Variants in PFKP observed in about 807,000 individuals in gnomAD.
PFKP encodes the protein ATP-dependent 6-phosphofructokinase, platelet type.
Under a neutral mutation model 94.3 loss-of-function variants are expected in PFKP, and 101 were observed. The ratio of observed to expected loss-of-function variants is 1.07; its 90% CI spans 0.91 to 1.26. The LOEUF is 1.26. Ranked by LOEUF, PFKP falls within the 50% of genes most tolerant of loss-of-function variation. The pLI, the probability that PFKP is intolerant of heterozygous loss-of-function variation, is 0.00. For synonymous variants in PFKP, 573 were observed against 432.6 expected (o/e 1.32, Z -4.03); for missense variants, 1,145 against 1,103.3 (o/e 1.04, Z -0.53).
chr10:3,119,769 T>TGG, intron 15 of PFKP, 123 bp from the exon 16 acceptor site: 1 of 575,796 alleles, frequency 1.7e-6, no homozygotes. Context: ...TCGGAGTGTT[T>TGG]TCGTGATGCC....
chr10:3,090,786 A>C (rs190248073), intron 2 of PFKP, among the ~76,000 whole-genome samples: 1 of 151,704 alleles, frequency 6.6e-6, no homozygotes, highest in East Asian at 1.9e-4. Context: ...CTTTTGGGGG[A>C]CCGCTGTTCT....
intron 2 of PFKP, among the ~76,000 whole-genome samples, chr10:3,087,984 C>CTTTTTTTTT (rs1224829610): frequency 6.5e-4 from 63 of 96,510 alleles, no homozygotes; most frequent in South Asian, 2.0e-3. Flanking sequence ...ATCTTTCATT[C>CTTTTTTTTT]TTTTTTTTTT....
intron 21 of PFKP, 70 bp downstream of exon 21, chr10:3,135,908 T>A: frequency 1.1e-6 from 1 of 914,008 alleles, no homozygotes; most frequent in Non-Finnish European, 1.8e-6. Flanking sequence ...TGGCCATTGC[T>A]GTTGCTGTCG....
Position 3,125,208 on chromosome 10 carries a change from A to G in PFKP, c.1684-4611A>G, listed in dbSNP as rs377340826. On this transcript the variant is annotated intron_variant, in intron 16 of 21. Coordinates refer to ENST00000381125, the MANE Select transcript of PFKP (RefSeq NM_002627.5). ...TAGCAACAATGTCCCAGGCACAGAA[A>G]TAAGCCTGGGCTCCGACACTGGCCT... is the stretch of plus-strand genomic sequence containing the variant. 8.6e-5 allele frequency: 116 copies of G among 1,347,702 alleles called. 1 individual carries two copies. The African/African-American group carries it at 1.0e-3, about 12-fold the overall frequency. 83.5% of individuals were successfully genotyped at this position (1,347,702 alleles called of 1,614,324 possible).
At chr10:3,132,232 C>T in intron 17 of PFKP, 148 bp from the exon 18 acceptor site, 2 of 608,402 alleles carry the variant, frequency 3.3e-6, no homozygotes, top group East Asian at 2.9e-5. Context: ...TGGGAGGAGG[C>T]TCCCCAAGAC....
chr10:3,076,216 G>A (rs1367925083), intron 1 of PFKP, among the ~76,000 whole-genome samples: 1 of 152,104 alleles, frequency 6.6e-6, no homozygotes, highest in Non-Finnish European at 1.5e-5. Context: ...CGTGGCCAGC[G>A]GCTCCTCTGA....
rs1333685669 is a variant in PFKP, at chr10:3,136,735, G to A, written c.*156G>A. 4 of 661,880 alleles carry A rather than the reference G, an allele frequency of 6.0e-6. No individual in the cohort carries two copies. The highest frequency in any genetic ancestry group is 1.8e-5 in the African/African-American group (1 of 55,394). The allele number at this position is 661,880 out of a possible 1,614,324, so 41.0% of individuals were successfully genotyped here. A position where few individuals can be genotyped will look rare whatever the true frequency, so the allele number is the denominator to read the frequency against. On this transcript the variant is annotated 3_prime_UTR_variant, in exon 22 of 22. Coordinates refer to ENST00000381125, the MANE Select transcript of PFKP (RefSeq NM_002627.5). The stretch of plus-strand genomic sequence containing the variant: ...ACCTGCTCCAGTGCGTGCTGTCTGT[G>A]GAGTGTGTCTCATGCTTTCAGATGT...
chr10:3,133,265 G>A lies in PFKP; in HGVS notation c.1973G>A (p.Gly658Asp). The A allele has an allele frequency of 6.2e-7, 1 of 1,614,120 alleles. No individual in the cohort carries two copies. Among genetic ancestry groups the A allele is most frequent in the Non-Finnish European group, 8.5e-7 (1 of 1,179,956 alleles). The change falls in exon 19 of 22, where the codon GGC (glycine) becomes GAC (aspartate). Residue 658 changes from glycine to aspartate, a missense_variant. Gly to Asp is a moderately conservative substitution (Grantham distance 94). This residue lies in a region of PFKP where 1,119 missense variants were observed against 1,062.8 expected (regional missense o/e 1.05). Coordinates refer to ENST00000381125, the MANE Select transcript of PFKP (RefSeq NM_002627.5). ...DFIYQLYSEE[G>D]KGVFDCRKNV... ...ATTTACCAGCTGTATTCAGAAGAGG[G>A]CAAAGGCGTGTTTGACTGCAGGAAG... is the stretch of plus-strand genomic sequence containing the variant.
In PFKP at chr10:3,129,849, G is replaced by A. The variant is rs751280085; in HGVS notation, c.1714G>A (p.Gly572Arg). Residue 572 changes from glycine to arginine, a missense_variant, in exon 17 of 22, where the codon GGA becomes AGA. By Grantham distance (125) the Gly-to-Arg change is moderately radical (BLOSUM62 -2). Coordinates refer to ENST00000381125, the MANE Select transcript of PFKP (RefSeq NM_002627.5). ...CGACCGCATCAAGCAGTCCGCCAGC[G>A]GAACCAAGCGGCGCGTGTTCATCAT... The part of the protein sequence containing the change: ...TCDRIKQSAS[G>R]TKRRVFIIET... 9.3e-6 allele frequency: 15 copies of A among 1,613,636 alleles called. No individual in the cohort carries two copies. Among genetic ancestry groups the A allele is most frequent in the East Asian group, 2.2e-5 (1 of 44,864 alleles).
Position 3,136,453 on chromosome 10 carries a change from C to T in PFKP, c.2229C>T (p.His743=). ...AELKKQTDFE[H]RIPKEQWWLK... ...CTGTCTCCTCTTACCTCCACAGGCA[C>T]AGGATTCCCAAAGAACAGTGGTGGC... The change falls in exon 22 of 22, where the codon CAC becomes CAT. Residue 743 remains histidine (H), a synonymous_variant. Coordinates refer to ENST00000381125, the MANE Select transcript of PFKP (RefSeq NM_002627.5). 2 of 1,613,564 alleles carry T rather than the reference C, an allele frequency of 1.2e-6. No homozygotes were observed. The highest frequency in any genetic ancestry group is 1.7e-6 in the Non-Finnish European group (2 of 1,179,646).
intron 16 of PFKP, among the ~76,000 whole-genome samples, chr10:3,124,828 G>T (rs531321620): frequency 7.1e-6 from 1 of 141,748 alleles, no homozygotes; most frequent in African/African-American, 2.8e-5. Flanking sequence ...AACCTGCTCC[G>T]TTGCCTGCCT....
At chr10:3,133,170 C>A in intron 18 of PFKP, 33 bp from the exon 19 acceptor site, 1 of 1,555,002 alleles carries the variant, frequency 6.4e-7, no homozygotes, top group Non-Finnish European at 8.9e-7. Context: ...CCACTGCACG[C>A]TAAACAAAGT....
chr10:3,124,367 C>T (rs1353812024), intron 16 of PFKP, among the ~76,000 whole-genome samples: 2 of 152,212 alleles, frequency 1.3e-5, no homozygotes, highest in Non-Finnish European at 2.9e-5. Context: ...TTGGTTAACA[C>T]CCTGAGGTGG....
At position 3,136,584 on chromosome 10, in the gene PFKP, G is replaced by T; in HGVS notation, c.*5G>T. 1 of 1,612,788 alleles carries T rather than the reference G, an allele frequency of 6.2e-7. No individual in the cohort carries two copies. Among genetic ancestry groups the T allele is most frequent in the South Asian group, 1.1e-5 (1 of 90,922 alleles). The stretch of plus-strand genomic sequence containing the variant: ...GTGCAGCCCTGGAGTGTCTGACCCA[G>T]TCCCGCCTGCATGTGCCTGCAGCCA... On this transcript the variant is annotated 3_prime_UTR_variant, in exon 22 of 22. Coordinates refer to ENST00000381125, the MANE Select transcript of PFKP (RefSeq NM_002627.5).
rs894806188 is a variant in PFKP, at chr10:3,135,782, C to T, written c.2169C>T (p.Ser723=). The change falls in exon 21 of 22, where the codon AGC becomes AGT. Residue 723 remains serine (S), a synonymous_variant. Transcript: ENST00000381125. ...ATTCCATTTGTGTGCTGGGAATAAGCAAAAGAAACGTTATTTTTCAACCTG... is the reference window on the plus strand; with the variant it reads ...ATTCCATTTGTGTGCTGGGAATAAGTAAAAGAAACGTTATTTTTCAACCTG... ...TDDSICVLGI[S]KRNVIFQPVA... is the part of the protein sequence containing the mutation. 2 of 1,613,538 alleles carry T rather than the reference C, an allele frequency of 1.2e-6. No homozygotes were observed. Among genetic ancestry groups the T allele is most frequent in the Non-Finnish European group, 1.7e-6 (2 of 1,179,598 alleles).
At chr10:3,120,369 C>CTTTGTGTGTGTGTGTGTGTGTGTG (rs148428194) in intron 16 of PFKP, among the ~76,000 whole-genome samples, 4 of 108,584 alleles carry the variant, frequency 3.7e-5, no homozygotes, top group African/African-American at 1.2e-4. Flanking sequence ...TTAAAAATCG[C>CTTTGTGTGTGTGTGTGTGTGTGTG]TGTGTGTGTG....
chr10:3,084,637 G>A (rs1226658714), intron 2 of PFKP, among the ~76,000 whole-genome samples: 1 of 151,842 alleles, frequency 6.6e-6, no homozygotes, highest in Admixed American at 6.6e-5. Flanking sequence ...GGCCCTGGTG[G>A]CAGCTGCCCC....
chr10:3,115,456 G>A (rs55920300), intron 13 of PFKP, among the ~76,000 whole-genome samples: 146 of 13,724 alleles, frequency 0.011, no homozygotes, highest in South Asian at 0.039. Flanking sequence ...CCGGGGTGAA[G>A]GTGTGTGTCC....
At chr10:3,103,035 C>T (rs1014383010) in intron 4 of PFKP, among the ~76,000 whole-genome samples, 2 of 152,190 alleles carry the variant, frequency 1.3e-5, no homozygotes, top group African/African-American at 4.8e-5. Flanking sequence ...GTCCTGAGTG[C>T]GAGGCAGATG....
Sources: allele counts gnomAD v4.1 joint callset (sites outside exome capture counted in the v4.1 genomes callset), GRCh38; gene constraint gnomAD v4.1.1; regional missense constraint gnomAD v4.1.1; transcripts MANE v1.5; gene names NCBI Gene and HGNC (gene_info 2026-07-23, HGNC 2026-07-21).